The following HEATR5B variants were observed in gnomAD, a reference collection of about 807,000 sequenced individuals.
HEATR5B encodes the protein HEAT repeat-containing protein 5B.
HEATR5B carries 156 observed loss-of-function variants against 224.1 expected under a neutral mutation model. The observed-to-expected ratio is 0.70, with a 90% CI of 0.61 to 0.80. The LOEUF (loss-of-function observed/expected upper bound fraction) is 0.80. HEATR5B is among the 30% of genes least tolerant of loss of function. HEATR5B has a pLI of 0.00. For missense variants in HEATR5B, 2,323 were observed against 2,535.5 expected (o/e 0.92, Z 1.80); for synonymous variants, 1,027 against 893.0 (o/e 1.15, Z -2.68).
In HEATR5B at chr2:37,013,826, T is replaced by C. The variant is rs201696955; in HGVS notation, c.4284+15A>G. On this transcript the variant is annotated intron_variant, in intron 27 of 35. Coordinates refer to ENST00000233099, the MANE Select transcript of HEATR5B (RefSeq NM_019024.3). The stretch of plus-strand genomic sequence containing the variant: ...GAAATGGGTCAAAAACAATAGATTG[T>C]GGTTTAGTCGTTACCTCTGCCCAAG... The C allele has an allele frequency of 5.7e-5, 88 of 1,537,490 alleles. No individual in the cohort carries two copies. The Middle Eastern group carries it at 2.8e-3, about 49-fold the overall frequency.
chr2:37,041,466 G>A (rs1669864861), intron 18 of HEATR5B, among the ~76,000 whole-genome samples, 174 bp from the exon 19 acceptor site: 1 of 152,200 alleles, frequency 6.6e-6, no homozygotes, highest in South Asian at 2.1e-4. Context: ...AATAACTACA[G>A]CTGGGTGTCA....
intron 18 of HEATR5B, among the ~76,000 whole-genome samples, chr2:37,049,314 CAAGGA>C (rs1670389741): frequency 6.6e-6 from 1 of 151,968 alleles, no homozygotes; most frequent in African/African-American, 2.4e-5. Flanking sequence ...TAAAGAGGGA[CAAGGA>C]AAGGGAGGGA....
intron 17 of HEATR5B, among the ~76,000 whole-genome samples, chr2:37,051,185 G>A (rs983701001): frequency 1.3e-5 from 2 of 151,770 alleles, no homozygotes; most frequent in Admixed American, 6.6e-5. Context: ...GTGAAACCCC[G>A]TCTCTGCTAA....
At chr2:37,009,400 C>T (rs1057128019) in intron 27 of HEATR5B, among the ~76,000 whole-genome samples, 1 of 151,380 alleles carries the variant, frequency 6.6e-6, no homozygotes, top group Non-Finnish European at 1.5e-5. Context: ...ATAGCAAGAC[C>T]CTATCTCTAC....
At chr2:36,999,066 A>G (rs1288151598) in intron 33 of HEATR5B, among the ~76,000 whole-genome samples, 1 of 151,320 alleles carries the variant, frequency 6.6e-6, no homozygotes, top group South Asian at 2.1e-4. Flanking sequence ...TACAAAAATT[A>G]GCTGGGCGTG....
In HEATR5B at chr2:37,049,789, G is replaced by GA; in HGVS notation, c.2559_2560insT (p.Leu854SerfsTer38). 6.2e-7 allele frequency: 1 copy of GA among 1,608,338 alleles called. No individual in the cohort carries two copies. The highest frequency in any genetic ancestry group is 1.1e-5 in the South Asian group (1 of 90,764). ...TCCAGAGGACCCATAACCAGTGTCAGGGCAGATTTACGAACTTCCTCAGGT... is the reference window on the plus strand; with the variant it reads ...TCCAGAGGACCCATAACCAGTGTCAGAGGCAGATTTACGAACTTCCTCAGGT... On this transcript the variant is annotated frameshift_variant, in exon 18 of 36. Coordinates refer to ENST00000233099, the MANE Select transcript of HEATR5B (RefSeq NM_019024.3). LOFTEE classifies it high-confidence loss of function.
intron 8 of HEATR5B, among the ~76,000 whole-genome samples, chr2:37,067,783 T>C (rs781352157): frequency 3.4e-4 from 51 of 152,030 alleles, no homozygotes; most frequent in Middle Eastern, 3.2e-3. Flanking sequence ...AATAAAATAA[T>C]ATAAAATAAA....
At chr2:37,033,799 T>G (rs1669292425) in intron 21 of HEATR5B, among the ~76,000 whole-genome samples, 1 of 152,190 alleles carries the variant, frequency 6.6e-6, no homozygotes, top group South Asian at 2.1e-4. Flanking sequence ...GTGGGAATAT[T>G]AACTCTTCAC....
At chr2:37,007,449 T>C in intron 28 of HEATR5B, 145 bp from the exon 29 acceptor site, 3 of 856,502 alleles carry the variant, frequency 3.5e-6, no homozygotes, top group Non-Finnish European at 5.1e-6. Flanking sequence ...GTTCAAGCAA[T>C]TCTCCTGCCT....
rs1558368404 is a variant in HEATR5B at position 37,065,893 on chromosome 2, T to G, written c.1195A>C (p.Thr399Pro). The G allele has an allele frequency of 6.2e-7, 1 of 1,610,858 alleles. No homozygotes were observed. Among genetic ancestry groups the G allele is most frequent in the Non-Finnish European group, 8.5e-7 (1 of 1,177,368 alleles). The change falls in exon 9 of 36, where the codon ACA becomes CCA. Residue 399 changes from threonine to proline, a missense_variant. Physicochemically the swap from Thr to Pro is conservative, Grantham distance 38. Around this residue, in one of 12 missense-constraint regions of HEATR5B, gnomAD observed 502 missense variants for 517.8 expected, o/e 0.97. Transcript: ENST00000233099. ...GCGCCAGATTTGTTTTCTCCACTTGTGTCATTCACTACTGCTTCTGGAAAC... is the reference window on the plus strand; with the variant it reads ...GCGCCAGATTTGTTTTCTCCACTTGGGTCATTCACTACTGCTTCTGGAAAC... ...MKAVEAVVND[T>P]SGENKSGAAD...
At position 36,988,768 on chromosome 2, in the gene HEATR5B, AT is replaced by A; in HGVS notation, c.5788del (p.Ile1930Ter). On this transcript the variant is annotated frameshift_variant, in exon 35 of 36. Coordinates refer to ENST00000233099, the MANE Select transcript of HEATR5B (RefSeq NM_019024.3). LOFTEE classifies it high-confidence loss of function. ...STPYIHSLAP[I>X]VVEKLKAVER... ...AACAGCTTTTAGCTTTTCAACCACT[AT>A]TGGAGCTAATGAATGAATATAAGGA... 1 of 1,613,962 alleles carries A rather than the reference AT, an allele frequency of 6.2e-7. No homozygotes were observed. The highest frequency in any genetic ancestry group is 8.5e-7 in the Non-Finnish European group (1 of 1,179,912).
At chr2:37,015,790 G>A (rs527980570) in intron 26 of HEATR5B, among the ~76,000 whole-genome samples, 1 of 152,254 alleles carries the variant, frequency 6.6e-6, no homozygotes, top group East Asian at 1.9e-4. Flanking sequence ...ACTTGGGTCT[G>A]GATTTCAGGA....
chr2:37,031,764 A>G (rs1002767538), intron 22 of HEATR5B, among the ~76,000 whole-genome samples: 1 of 152,128 alleles, frequency 6.6e-6, no homozygotes, highest in Non-Finnish European at 1.5e-5. Context: ...TTTGTATCCA[A>G]GCAGCTTCTA....
intron 24 of HEATR5B, among the ~76,000 whole-genome samples, chr2:37,023,120 A>G (rs1668566738): frequency 7.2e-6 from 1 of 139,284 alleles, no homozygotes; most frequent in Non-Finnish European, 1.6e-5. Context: ...AATGAAAGGT[A>G]GAAAAAAATC....
chr2:37,035,454 CCT>C (rs1288118998), intron 21 of HEATR5B, among the ~76,000 whole-genome samples: 1 of 152,090 alleles, frequency 6.6e-6, no homozygotes, highest in African/African-American at 2.4e-5. Flanking sequence ...GCAATACTAC[CCT>C]GTCTTTCTTA....
chr2:37,063,169 T>C (rs115724204), intron 10 of HEATR5B, among the ~76,000 whole-genome samples: 221 of 152,284 alleles, frequency 1.5e-3, no homozygotes, highest in African/African-American at 5.2e-3. Flanking sequence ...ATAGTGCTAA[T>C]AATGACAGCA....
intron 19 of HEATR5B, chr2:37,040,883 A>G (rs1669830138): frequency 4.8e-6 from 2 of 420,656 alleles, no homozygotes; most frequent in East Asian, 7.6e-5. Flanking sequence ...AAGAGGAAAA[A>G]AGTACACAGA....
intron 8 of HEATR5B, 140 bp from the exon 9 acceptor site, chr2:37,066,050 C>T (rs768995395): frequency 3.4e-4 from 222 of 657,588 alleles, no homozygotes; most frequent in Admixed American, 8.7e-4. Context: ...CAATAGAAAA[C>T]TTGTAGAACT....
intron 9 of HEATR5B, among the ~76,000 whole-genome samples, chr2:37,065,465 C>T (rs1424868010): frequency 6.6e-6 from 1 of 152,032 alleles, no homozygotes; most frequent in African/African-American, 2.4e-5. Flanking sequence ...CGTGTCACCA[C>T]AGCTGGCTAA....
Sources: allele counts gnomAD v4.1 joint callset (sites outside exome capture counted in the v4.1 genomes callset), GRCh38; gene constraint gnomAD v4.1.1; regional missense constraint gnomAD v4.1.1; transcripts MANE v1.5; gene names NCBI Gene and HGNC (gene_info 2026-07-23, HGNC 2026-07-21).